The following LRRC27 variants were observed in gnomAD, a reference collection of about 807,000 sequenced individuals.
LRRC27 encodes the protein leucine-rich repeat-containing protein 27.
Under a neutral mutation model 55.0 loss-of-function variants are expected in LRRC27, and 57 were observed. That is an observed-to-expected ratio of 1.04 (90% confidence interval 0.84 to 1.29). The LOEUF (loss-of-function observed/expected upper bound fraction) is 1.29. Ranked by LOEUF, LRRC27 falls within the 50% of genes most tolerant of loss-of-function variation. LRRC27 has a pLI of 0.00. For missense variants in LRRC27, 721 were observed against 651.5 expected (o/e 1.11, Z -1.16); for synonymous variants, 278 against 251.9 (o/e 1.10, Z -0.98).
At chr10:132,331,120 G>C (rs2066696462), upstream of LRRC27, among the ~76,000 whole-genome samples, 2 of 144,220 alleles carry the variant, frequency 1.4e-5, no homozygotes, top group East Asian at 2.1e-4. Flanking sequence ...AGAATTGCTT[G>C]AACCTGGGAG....
rs572391885 is a variant in LRRC27, at chr10:132,369,783, A to C, written c.1416+4233A>C. On this transcript the variant is annotated intron_variant, in intron 10 of 10. Transcript: ENST00000368614. The stretch of plus-strand genomic sequence containing the variant: ...GTGGGATGAAGGCTGCTCTAGAAAA[A>C]TCAAGTCCGGGTTTTTTAAAGTCTG... Among the ~76,000 whole-genome samples, 9 of 152,236 alleles carry C rather than the reference A, an allele frequency of 5.9e-5. No individual in the cohort carries two copies. The South Asian group carries it at 1.9e-3, about 32-fold the overall frequency.
rs748543002 is a variant in LRRC27, at chr10:132,375,135, G to C, written c.1486G>C (p.Ala496Pro). The C allele has an allele frequency of 6.2e-7, 1 of 1,614,146 alleles. No individual in the cohort carries two copies. The highest frequency in any genetic ancestry group is 8.5e-7 in the Non-Finnish European group (1 of 1,180,014). ...GLTLNKDRRR[A>P]ALTGNLSLGL... ...AACCTTGAACAAAGATCGTCGACGG[G>C]CGGCCCTCACTGGAAACCTTTCGCT... Residue 496 changes from alanine (A) to proline (P), a missense_variant, in exon 11 of 11, where the codon GCG (alanine) becomes CCG (proline). Ala to Pro is a conservative substitution (Grantham distance 27). Transcript: ENST00000368614.
At position 132,365,510 on chromosome 10, in the gene LRRC27, C is replaced by T. The variant is rs143404045; in HGVS notation, c.1376C>T (p.Pro459Leu). ...REQRRFHGQAPLEEMRKAAED... is the reference protein window; with the variant it reads ...REQRRFHGQALLEEMRKAAED... ...CAAAGAAGATTCCATGGCCAGGCCC[C>T]ACTGGAGGAGATGAGGAAGGCTGCC... The change falls in exon 10 of 11, where the codon CCA (proline) becomes CTA (leucine). Residue 459 changes from proline (P) to leucine (L), a missense_variant. Physicochemically the swap from Pro to Leu is moderately conservative, Grantham distance 98. Transcript: ENST00000368614. The T allele has an allele frequency of 1.3e-4, 206 of 1,613,664 alleles. 1 individual carries two copies. The African/African-American group carries it at 2.6e-3, about 20-fold the overall frequency.
chr10:132,368,713 A>G (rs922533518), intron 10 of LRRC27, among the ~76,000 whole-genome samples: 1 of 152,258 alleles, frequency 6.6e-6, no homozygotes, highest in Non-Finnish European at 1.5e-5. Context: ...AAGATAACAT[A>G]GGAGAAAACC....
chr10:132,372,620 C>T lies in LRRC27; in HGVS notation c.1417-2446C>T, dbSNP rs1182771032. On this transcript the variant is annotated intron_variant, in intron 10 of 10. Coordinates refer to ENST00000368614, the MANE Select transcript of LRRC27 (RefSeq NM_030626.3). The surrounding 1 kb of genome is among the most constrained non-coding windows in gnomAD (Gnocchi z 4.0). ...TACAGGTCACGCCAGGGCCCTGGGT[C>T]TGCTTCCCTACTCTGCCCAGCCCAC... Among the ~76,000 whole-genome samples, 4 of 152,184 alleles carry T rather than the reference C, an allele frequency of 2.6e-5. No homozygotes were observed. The highest frequency in any genetic ancestry group is 4.4e-5 in the Non-Finnish European group (3 of 68,034).
upstream of LRRC27, chr10:132,331,866 T>C (rs1174296128): frequency 1.5e-6 from 2 of 1,347,410 alleles, no homozygotes; most frequent in Non-Finnish European, 2.0e-6. Flanking sequence ...GTTGGCCGCG[T>C]GCGTGCGCAG....
chr10:132,365,260 G>A (rs1009103251), intron 9 of LRRC27, among the ~76,000 whole-genome samples, 164 bp from the exon 10 acceptor site: 4 of 152,220 alleles, frequency 2.6e-5, no homozygotes, highest in Non-Finnish European at 5.9e-5. Flanking sequence ...GTGCCGGGGA[G>A]GCCCAGGGCA....
At chr10:132,350,055 C>T (rs1367553283) in intron 6 of LRRC27, among the ~76,000 whole-genome samples, 1 of 152,208 alleles carries the variant, frequency 6.6e-6, no homozygotes, top group Non-Finnish European at 1.5e-5. Context: ...TGGTGCTCCT[C>T]TGTGTTCTCT....
chr10:132,348,262 C>T lies in LRRC27; in HGVS notation c.832C>T (p.Leu278=). 2 of 1,614,050 alleles carry T rather than the reference C, an allele frequency of 1.2e-6. No homozygotes were observed. Among genetic ancestry groups the T allele is most frequent in the Non-Finnish European group, 1.7e-6 (2 of 1,180,032 alleles). ...TGTTGAGCACGTGAAGGCAGACGTT[C>T]TGGGAGATCAGCTCTTGACGAGGGA... The part of the protein sequence containing the change: ...EIVEHVKADV[L]GDQLLTRELP... The change falls in exon 6 of 11, where the codon CTG becomes TTG. Residue 278 remains leucine (L), a synonymous_variant. Transcript: ENST00000368614. This position sits in a 1 kb window ranked among gnomAD's most constrained non-coding sequence, Gnocchi z 4.2.
rs1197868779 is a variant in LRRC27 at position 132,375,496 on chromosome 10, G to C, written c.*254G>C. ...CCTTCCCTTCTTCCTGCAGGTTCCC[G>C]CCAAGCCATGTGACAGAGTGCTCAC... On this transcript the variant is annotated 3_prime_UTR_variant, in exon 11 of 11. Transcript: ENST00000368614. 2.5e-6 allele frequency: 1 copy of C among 392,214 alleles called. No homozygotes were observed. The highest frequency in any genetic ancestry group is 4.6e-6 in the Non-Finnish European group (1 of 216,714). The allele number at this position is 392,214 out of a possible 1,614,324, so 24.3% of individuals were successfully genotyped here. A position where few individuals can be genotyped will look rare whatever the true frequency, so the allele number is the denominator to read the frequency against.
In LRRC27 at chr10:132,376,503, A is replaced by T. The variant is rs2133118540; in HGVS notation, c.*1261A>T. 6.6e-6 allele frequency: 1 copy of T among 152,362 alleles called. No individual in the cohort carries two copies. The highest frequency in any genetic ancestry group is 3.4e-3 in the Middle Eastern group (1 of 294). 9.4% of individuals were successfully genotyped at this position (152,362 alleles called of 1,614,324 possible). On this transcript the variant is annotated 3_prime_UTR_variant, in exon 11 of 11. Coordinates refer to ENST00000368614, the MANE Select transcript of LRRC27 (RefSeq NM_030626.3). Reference sequence around the variant, plus strand: ...TCTCACGCCTGAGGGCAGGCGTTGGAGCAGCTCAGCCGGCGTTGCTGGTCA... The same window carrying T: ...TCTCACGCCTGAGGGCAGGCGTTGGTGCAGCTCAGCCGGCGTTGCTGGTCA...
intron 5 of LRRC27, among the ~76,000 whole-genome samples, chr10:132,346,513 A>G (rs2067702291): frequency 6.6e-6 from 1 of 152,142 alleles, no homozygotes; most frequent in Non-Finnish European, 1.5e-5. Context: ...TGTCTCTACT[A>G]AAAATACAAA....
At chr10:132,367,963 G>A (rs1161752224) in intron 10 of LRRC27, among the ~76,000 whole-genome samples, 1 of 152,150 alleles carries the variant, frequency 6.6e-6, no homozygotes, top group Non-Finnish European at 1.5e-5. Flanking sequence ...AAATCCCAAA[G>A]AATTGACAAA....
upstream of LRRC27, chr10:132,331,924 A>T (rs1266018514): frequency 9.1e-5 from 41 of 452,334 alleles, no homozygotes; most frequent in South Asian, 1.1e-3. Flanking sequence ...CAACCCCCCC[A>T]CCGCAAGCGC....
chr10:132,335,671 CT>C (rs2067092989), intron 2 of LRRC27, among the ~76,000 whole-genome samples: 3 of 151,842 alleles, frequency 2.0e-5, no homozygotes, highest in African/African-American at 7.3e-5. Context: ...AGGCAGAGTA[CT>C]ATAGGGTCGC....
At chr10:132,345,005 A>G (rs773981206) in intron 5 of LRRC27, 1 of 185,616 alleles carries the variant, frequency 5.4e-6, no homozygotes, top group Non-Finnish European at 1.2e-5. Context: ...GTACAATGAA[A>G]TATTCCTTAT....
At chr10:132,364,843 C>CTCACACCCACACTTACATCTA (rs1564855237) in intron 9 of LRRC27, among the ~76,000 whole-genome samples, 1 of 115,376 alleles carries the variant, frequency 8.7e-6, no homozygotes, top group African/African-American at 2.9e-5. Flanking sequence ...CACGCCCACA[C>CTCACACCCACACTTACATCTA]CCTGGGGCCC....
intron 8 of LRRC27, among the ~76,000 whole-genome samples, chr10:132,360,992 C>T (rs1448310912): frequency 6.6e-6 from 1 of 152,226 alleles, no homozygotes; most frequent in Non-Finnish European, 1.5e-5. Flanking sequence ...TGCTAGCCTC[C>T]TCCTGCCTAG....
rs141681438 is a variant in LRRC27 at position 132,337,504 on chromosome 10, T to G, written c.211-61T>G. The G allele has an allele frequency of 2.2e-3, 3,530 of 1,595,730 alleles. 18 individuals carry two copies. The highest frequency in any genetic ancestry group is 9.6e-3 in the South Asian group (856 of 89,344). On this transcript the variant is annotated intron_variant, in intron 2 of 10. Coordinates refer to ENST00000368614, the MANE Select transcript of LRRC27 (RefSeq NM_030626.3). ...TTCTTTTGGAAATAGATTTTGGATA[T>G]ATCATGTTTTACAAATTAGTTGGTT...
Sources: allele counts gnomAD v4.1 joint callset (sites outside exome capture counted in the v4.1 genomes callset), GRCh38; gene constraint gnomAD v4.1.1; non-coding constraint Gnocchi (gnomAD v3.1); transcripts MANE v1.5; gene names NCBI Gene and HGNC (gene_info 2026-07-23, HGNC 2026-07-21).